Variants in NR1H4 observed in about 807,000 individuals in gnomAD.
NR1H4 encodes bile acid receptor.
Under a neutral mutation model 58.5 loss-of-function variants are expected in NR1H4, and 23 were observed. The ratio of observed to expected loss-of-function variants is 0.39; its 90% confidence interval spans 0.28 to 0.56. NR1H4 has a LOEUF of 0.56. NR1H4 is among the 20% of genes least tolerant of loss of function. NR1H4 has a pLI of 0.58. For missense variants in NR1H4, 487 were observed against 576.9 expected, an observed-to-expected ratio of 0.84 and a Z score of 1.60; for synonymous variants, 214 against 198.0, an observed-to-expected ratio of 1.08 and a Z score of -0.68.
intron 4 of NR1H4, among the ~76,000 whole-genome samples, chr12:100,528,501 A>G (rs759060167): frequency 1.3e-5 from 2 of 152,208 alleles, no homozygotes; most frequent in Non-Finnish European, 2.9e-5. Flanking sequence ...CATTCCCCAG[A>G]TGGCAATGCC....
chr12:100,540,133 C>T (rs1954902174), intron 8 of NR1H4, among the ~76,000 whole-genome samples: 1 of 151,992 alleles, frequency 6.6e-6, no homozygotes, highest in Non-Finnish European at 1.5e-5. Context: ...GTTGGCAATT[C>T]TTACCATATT....
intron 9 of NR1H4, among the ~76,000 whole-genome samples, chr12:100,558,178 G>A (rs1955375164): frequency 7.0e-6 from 1 of 143,210 alleles, no homozygotes; most frequent in Non-Finnish European, 1.5e-5. Context: ...GGCCAATATA[G>A]TGAAACCCTG....
At chr12:100,491,801 G>C (rs12231490) in intron 1 of NR1H4, among the ~76,000 whole-genome samples, 27,066 of 151,666 alleles carry the variant, frequency 0.18, 5,226 homozygotes, top group African/African-American at 0.46. Flanking sequence ...GCTTCTTCAT[G>C]TGGTTCTTCT....
intron 4 of NR1H4, among the ~76,000 whole-genome samples, chr12:100,519,073 C>T (rs1466424947): frequency 3.3e-5 from 5 of 152,096 alleles, no homozygotes; most frequent in African/African-American, 1.2e-4. Context: ...CAGGCATGAG[C>T]CACCGTGCCT....
At chr12:100,538,828 TCTCA>T (rs1466825759) in intron 8 of NR1H4, among the ~76,000 whole-genome samples, 5 of 152,346 alleles carry the variant, frequency 3.3e-5, no homozygotes, top group East Asian at 3.9e-4. Context: ...AGGAGAAATT[TCTCA>T]CTATCATTGA....
chr12:100,503,299 G>T (rs995644565), intron 3 of NR1H4: 2 of 1,477,968 alleles, frequency 1.4e-6, no homozygotes, highest in African/African-American at 1.4e-5. Flanking sequence ...ATTCTGCTCC[G>T]TAATGAAGTT....
intron 9 of NR1H4, among the ~76,000 whole-genome samples, chr12:100,558,156 C>G (rs1208002955): frequency 6.9e-6 from 1 of 144,922 alleles, no homozygotes; most frequent in Non-Finnish European, 1.5e-5. Context: ...GTCAGGGTTT[C>G]GAGATCAGCT....
At chr12:100,525,404 T>A (rs1954530939) in intron 4 of NR1H4, 2 of 152,148 alleles carry the variant, frequency 1.3e-5, no homozygotes, top group African/African-American at 2.4e-5. Context: ...GGAGTCAAGG[T>A]GTCCCGAGGT....
chr12:100,543,956 A>T (rs1279970470), intron 9 of NR1H4, among the ~76,000 whole-genome samples: 1 of 152,070 alleles, frequency 6.6e-6, no homozygotes, highest in Non-Finnish European at 1.5e-5. Flanking sequence ...TGCTCCCTTT[A>T]AGAAAATCCC....
chr12:100,506,002 AACACACACAC>A (rs398020830), intron 3 of NR1H4, among the ~76,000 whole-genome samples: 12 of 141,028 alleles, frequency 8.5e-5, no homozygotes, highest in East Asian at 2.1e-4. Flanking sequence ...AAGTGTTTAT[AACACACACAC>A]ACACACACAC....
intron 1 of NR1H4, among the ~76,000 whole-genome samples, chr12:100,490,206 A>G (rs1953576877): frequency 6.6e-6 from 1 of 152,366 alleles, no homozygotes; most frequent in African/African-American, 2.4e-5. Context: ...CTTAATTTGA[A>G]GGTGCCAAGT....
intron 4 of NR1H4, among the ~76,000 whole-genome samples, chr12:100,523,489 A>G (rs967098346): frequency 6.6e-6 from 1 of 152,044 alleles, no homozygotes; most frequent in Non-Finnish European, 1.5e-5. Flanking sequence ...CAAATATTTT[A>G]TCCCATTCTG....
At chr12:100,482,775 C>T (rs999327266) in intron 1 of NR1H4, among the ~76,000 whole-genome samples, 2 of 152,120 alleles carry the variant, frequency 1.3e-5, no homozygotes, top group African/African-American at 4.8e-5. Flanking sequence ...CATTCACTTC[C>T]AGGTTCCTGG....
Position 100,561,977 on chromosome 12 carries a change from G to A in NR1H4, c.1171G>A (p.Ala391Thr), listed in dbSNP as rs1305855505. 6.5e-7 allele frequency: 1 copy of A among 1,542,730 alleles called. No homozygotes were observed. The highest frequency in any genetic ancestry group is 2.3e-5 in the East Asian group (1 of 44,426). The change falls in exon 10 of 11, where the codon GCA (alanine) becomes ACA (threonine). Residue 391 changes from alanine to threonine, a missense_variant. Physicochemically the swap from Ala to Thr is moderately conservative, Grantham distance 58. Transcript: ENST00000392986. Reference protein sequence around the residue: ...MTQEEYALLTAIVILSPDRQY... With the variant: ...MTQEEYALLTTIVILSPDRQY... The stretch of plus-strand genomic sequence containing the variant: ...TCAAGAGGAGTATGCTCTGCTTACA[G>A]CAATTGTTATCCTGTCTCCAGGTAA...
At chr12:100,542,371 A>T (rs1954959340) in intron 9 of NR1H4, among the ~76,000 whole-genome samples, 1 of 152,196 alleles carries the variant, frequency 6.6e-6, no homozygotes, top group African/African-American at 2.4e-5. Context: ...TTTGTGTCTT[A>T]ACCACTATGC....
At chr12:100,512,489 A>T (rs150874517) in intron 4 of NR1H4, among the ~76,000 whole-genome samples, 22 of 152,006 alleles carry the variant, frequency 1.4e-4, no homozygotes, top group Non-Finnish European at 3.1e-4. Context: ...AAATACAAAA[A>T]AATTAGCTGG....
chr12:100,518,718 C>A lies in NR1H4; in HGVS notation c.445+7575C>A, dbSNP rs374323166. ...GCTATATTTCAGTAAGCTATACTTA[C>A]AAAAATAGGCAGGAAAAAAAATGAC... On this transcript the variant is annotated intron_variant, in intron 4 of 10. Coordinates refer to ENST00000392986, the MANE Select transcript of NR1H4 (RefSeq NM_001206979.2). Among the ~76,000 whole-genome samples the A allele has an allele frequency of 7.6e-5, 11 of 145,090 alleles. No individual in the cohort carries two copies. In the East Asian group the frequency reaches 1.7e-3, roughly 22 times the overall value.
At chr12:100,543,940 T>C (rs1245640786) in intron 9 of NR1H4, among the ~76,000 whole-genome samples, 1 of 152,120 alleles carries the variant, frequency 6.6e-6, no homozygotes, top group African/African-American at 2.4e-5. Flanking sequence ...CCATGGACTG[T>C]GGCGGTGCTC....
chr12:100,482,258 T>C (rs1953398182), intron 1 of NR1H4, among the ~76,000 whole-genome samples: 1 of 152,166 alleles, frequency 6.6e-6, no homozygotes, highest in Non-Finnish European at 1.5e-5. Context: ...TTAGTCTACA[T>C]TGTGGGGAAG....
Sources: gnomAD v4.1 joint callset for allele counts (sites outside exome capture counted in the v4.1 genomes callset) on GRCh38, gnomAD v4.1.1 for gene constraint, MANE v1.5 for transcripts, NCBI Gene and HGNC (gene_info 2026-07-23, HGNC 2026-07-21) for gene names.